SHISA6: variants seen among roughly 807,000 people sequenced by gnomAD.
SHISA6 encodes the protein protein shisa-6.
In SHISA6, 22 loss-of-function variants were observed where a neutral mutation model predicts 47.9. The observed-to-expected ratio is 0.46, with a 90% CI of 0.33 to 0.66. The LOEUF (loss-of-function observed/expected upper bound fraction) is 0.66, where lower values mean the gene tolerates loss of function less well. Among genes scored for constraint, SHISA6 ranks in the 30% least tolerant of loss-of-function variants. SHISA6 has a pLI of 0.02. For missense variants in SHISA6, 680 were observed against 764.6 expected, an observed-to-expected ratio of 0.89 and a Z score of 1.30; for synonymous variants, 388 against 337.8, an observed-to-expected ratio of 1.15 and a Z score of -1.63.
chr17:11,391,402 C>T (rs1913382431), intron 3 of SHISA6, among the ~76,000 whole-genome samples: 1 of 152,184 alleles, frequency 6.6e-6, no homozygotes, highest in Non-Finnish European at 1.5e-5. Flanking sequence ...CTGAGTTAAA[C>T]ATTACAATTA....
intron 3 of SHISA6, among the ~76,000 whole-genome samples, chr17:11,549,892 C>T (rs2071915546): frequency 6.6e-6 from 1 of 152,206 alleles, no homozygotes; most frequent in South Asian, 2.1e-4. Context: ...TCTCTGGATT[C>T]TCTCTTCTTG....
chr17:11,456,625 C>G (rs2908943), intron 3 of SHISA6, among the ~76,000 whole-genome samples: 13,864 of 152,156 alleles, frequency 0.091, 954 homozygotes, highest in African/African-American at 0.18. Flanking sequence ...TTTGAACCTC[C>G]TAAGTGAAGC....
intron 2 of SHISA6, among the ~76,000 whole-genome samples, chr17:11,371,237 G>A (rs1436129403): frequency 6.6e-6 from 1 of 152,184 alleles, no homozygotes; most frequent in Non-Finnish European, 1.5e-5. Flanking sequence ...ATGCAGAGAG[G>A]AGCACAGGTC....
At chr17:11,412,652 C>T (rs989327505) in intron 3 of SHISA6, among the ~76,000 whole-genome samples, 1 of 152,076 alleles carries the variant, frequency 6.6e-6, no homozygotes, top group Non-Finnish European at 1.5e-5. Context: ...CGCCATTCTC[C>T]TGCCTCAGCC....
intron 3 of SHISA6, among the ~76,000 whole-genome samples, chr17:11,381,967 C>G (rs1453608859): frequency 6.6e-6 from 1 of 152,156 alleles, no homozygotes; most frequent in Admixed American, 6.5e-5. Flanking sequence ...GTGTATTTCC[C>G]TATTTAGAGA....
At chr17:11,446,293 C>T (rs1264974375) in intron 3 of SHISA6, among the ~76,000 whole-genome samples, 5 of 152,170 alleles carry the variant, frequency 3.3e-5, no homozygotes, top group Non-Finnish European at 5.9e-5. Context: ...AGTCCCATGA[C>T]TCTACATGTG....
chr17:11,371,743 A>C (rs970569371), intron 2 of SHISA6, among the ~76,000 whole-genome samples: 43 of 152,276 alleles, frequency 2.8e-4, no homozygotes, highest in South Asian at 6.2e-4. Flanking sequence ...AAAACAACAA[A>C]AAAAAATGGC....
intron 3 of SHISA6, among the ~76,000 whole-genome samples, chr17:11,441,080 GAAC>G (rs1004879793): frequency 7.2e-5 from 11 of 152,138 alleles, no homozygotes; most frequent in Non-Finnish European, 1.2e-4. Flanking sequence ...CTCTCCTGAG[GAAC>G]AACAACAAAA....
In SHISA6 at chr17:11,459,218, C is replaced by CAAA. The variant is rs200165239; in HGVS notation, c.895+79725_895+79727dup. The stretch of plus-strand genomic sequence containing the variant: ...CGGGCGACAGAGCGAGACTCCATCT[C>CAAA]AAAAAAAAAAAAAAAAAAGACATTA... On this transcript the variant is annotated intron_variant, in intron 3 of 5. Transcript: ENST00000441885. Among the ~76,000 whole-genome samples, 44 of 90,748 alleles carry CAAA rather than the reference C, an allele frequency of 4.8e-4. 1 individual carries two copies. Among genetic ancestry groups the CAAA allele is most frequent in the African/African-American group, 1.7e-3 (42 of 24,970 alleles). The allele number at this position is 90,748 out of a possible 152,430, so 59.5% of individuals were successfully genotyped here. A position where few individuals can be genotyped will look rare whatever the true frequency, so the allele number is the denominator to read the frequency against.
intron 3 of SHISA6, among the ~76,000 whole-genome samples, chr17:11,499,823 T>C (rs1168245177): frequency 6.6e-6 from 1 of 152,062 alleles, no homozygotes; most frequent in Non-Finnish European, 1.5e-5. Context: ...TGCCTCAGCC[T>C]TCTGAGTGGC....
In SHISA6 at chr17:11,425,641, G is replaced by T. The variant is rs376267299; in HGVS notation, c.895+46132G>T. ...GTTTATATAAGATGAAAACCTCAGG[G>T]CTACATCCAGTTTTAGGCAACACTA... On this transcript the variant is annotated intron_variant, in intron 3 of 5. Transcript: ENST00000441885. Among the ~76,000 whole-genome samples the T allele has an allele frequency of 5.9e-5, 9 of 152,160 alleles. No individual in the cohort carries two copies. In the South Asian group the frequency reaches 1.0e-3, roughly 18 times the overall value.
rs547918046 is a variant in SHISA6, at chr17:11,242,087, C to T, written c.638+27C>T. On this transcript the variant is annotated intron_variant, in intron 1 of 5. Transcript: ENST00000441885. ...TGAGAGCGCCGCGTGCCGCGCGCCC[C>T]GGTCTCCCCGCGGCCTCACCCTCTC... The T allele has an allele frequency of 1.9e-5, 30 of 1,548,120 alleles. No individual in the cohort carries two copies. In the South Asian group the frequency reaches 3.0e-4, roughly 15 times the overall value.
At chr17:11,430,908 G>C (rs1914753869) in intron 3 of SHISA6, among the ~76,000 whole-genome samples, 2 of 152,214 alleles carry the variant, frequency 1.3e-5, no homozygotes, top group Admixed American at 1.3e-4. Flanking sequence ...TTTTGAAAGA[G>C]GCTTAACGGA....
At chr17:11,275,051 T>G (rs11655516) in intron 2 of SHISA6, among the ~76,000 whole-genome samples, 93,772 of 151,988 alleles carry the variant, frequency 0.62, 29,051 homozygotes, top group East Asian at 0.66. Context: ...TTGTGGCTTT[T>G]CTGTAAACAG....
intron 2 of SHISA6, among the ~76,000 whole-genome samples, chr17:11,329,676 TG>T (rs1368735201): frequency 6.6e-6 from 1 of 152,092 alleles, no homozygotes. Flanking sequence ...TTTCCTTATG[TG>T]GTTTTTTTAA....
At chr17:11,304,878 G>A (rs2142180693) in intron 2 of SHISA6, among the ~76,000 whole-genome samples, 1 of 152,226 alleles carries the variant, frequency 6.6e-6, no homozygotes, top group South Asian at 2.1e-4. Flanking sequence ...CTTCCTGCTG[G>A]GCTTCTGGGT....
chr17:11,474,360 T>C (rs540979538), intron 3 of SHISA6, among the ~76,000 whole-genome samples: 4 of 152,116 alleles, frequency 2.6e-5, no homozygotes, highest in African/African-American at 9.6e-5. Flanking sequence ...ATAAATGTCT[T>C]CTTTTGAGAA....
intron 2 of SHISA6, among the ~76,000 whole-genome samples, chr17:11,369,711 C>CGGGCAGAAG (rs1912567421): frequency 6.6e-6 from 1 of 152,208 alleles, no homozygotes; most frequent in African/African-American, 2.4e-5. Context: ...CGGCTCTTTT[C>CGGGCAGAAG]AGGGTTTGTC....
intron 3 of SHISA6, among the ~76,000 whole-genome samples, chr17:11,469,585 G>A (rs780061648): frequency 1.2e-4 from 19 of 152,138 alleles, no homozygotes; most frequent in East Asian, 1.9e-4. Context: ...AGGGGTTGGC[G>A]GGGGTTCCTG....
Sources: allele counts gnomAD v4.1 joint callset (sites outside exome capture counted in the v4.1 genomes callset), GRCh38; gene constraint gnomAD v4.1.1; transcripts MANE v1.5; gene names NCBI Gene and HGNC (gene_info 2026-07-23, HGNC 2026-07-21).